EPN3: variants seen among roughly 807,000 people sequenced by gnomAD.
The protein encoded by EPN3 is epsin-3.
A neutral mutation model predicts 55.5 loss-of-function variants in EPN3; 56 were observed. The observed-to-expected ratio is 1.01, with a 90% CI of 0.81 to 1.26. EPN3 has a LOEUF of 1.26. Among genes scored for constraint, EPN3 ranks in the 50% most tolerant of loss-of-function variants. EPN3 has a pLI of 0.00. For missense variants in EPN3, 927 were observed against 853.4 expected, an observed-to-expected ratio of 1.09 and a Z score of -1.07; for synonymous variants, 449 against 375.2, an observed-to-expected ratio of 1.20 and a Z score of -2.27.
Position 50,541,081 on chromosome 17 carries a change from A to G in EPN3, c.1249+19A>G, listed in dbSNP as rs765231101. 4 of 1,569,554 alleles carry G rather than the reference A, an allele frequency of 2.5e-6. No homozygotes were observed. Among genetic ancestry groups the G allele is most frequent in the Non-Finnish European group, 2.6e-6 (3 of 1,159,740 alleles). On this transcript the variant is annotated intron_variant, in intron 7 of 9. Transcript: ENST00000268933. ...ACACCTGGTAAGAAGAGGGCCAGAG[A>G]GTGTGAGTGAGGAGCTGGGGGACTT...
intron 5 of EPN3, among the ~76,000 whole-genome samples, chr17:50,539,684 G>C (rs1267839983): frequency 6.6e-6 from 1 of 152,190 alleles, no homozygotes; most frequent in Non-Finnish European, 1.5e-5. Context: ...ATCAAGACTA[G>C]GGTTGGCCTA....
Position 50,542,300 on chromosome 17 carries a change from G to A in EPN3, c.*143G>A. ...TATCCCGCGGCGGCTCTGGAAGCTG[G>A]ACGCGGACCACGGCCCGGGAGCTAG... On this transcript the variant is annotated 3_prime_UTR_variant, in exon 10 of 10. Transcript: ENST00000268933. 1 of 857,482 alleles carries A rather than the reference G, an allele frequency of 1.2e-6. No individual in the cohort carries two copies. Among genetic ancestry groups the A allele is most frequent in the Non-Finnish European group, 1.6e-6 (1 of 615,556 alleles). The allele number at this position is 857,482 out of a possible 1,614,324, so 53.1% of individuals were successfully genotyped here.
At position 50,536,509 on chromosome 17, in the gene EPN3, C is replaced by G; in HGVS notation, c.-48C>G. 6.2e-7 allele frequency: 1 copy of G among 1,610,876 alleles called. No homozygotes were observed. Among genetic ancestry groups the G allele is most frequent in the East Asian group, 2.2e-5 (1 of 44,760 alleles). On this transcript the variant is annotated 5_prime_UTR_variant, in exon 2 of 10. Transcript: ENST00000268933. ...GACCTCGCCACAGTGGCCCTCAGCCCTCCACCTCCGGCGGGGGCGAGGGCC... is the reference window on the plus strand; with the variant it reads ...GACCTCGCCACAGTGGCCCTCAGCCGTCCACCTCCGGCGGGGGCGAGGGCC...
rs149664840 is a variant in EPN3, at chr17:50,535,967, G to C, written c.-136-454G>C. ...ATGCACTCTTAGGTGGGGCTTCCTGGGGTCATCTTGGTTCCCCATGCAGCA... is the reference window on the plus strand; with the variant it reads ...ATGCACTCTTAGGTGGGGCTTCCTGCGGTCATCTTGGTTCCCCATGCAGCA... On this transcript the variant is annotated intron_variant, in intron 1 of 9. Transcript: ENST00000268933. The C allele has an allele frequency of 3.1e-4, 47 of 153,712 alleles. 1 individual carries two copies. The East Asian group carries it at 8.5e-3, about 28-fold the overall frequency. The allele number at this position is 153,712 out of a possible 1,614,324, so 9.5% of individuals were successfully genotyped here.
chr17:50,541,854 T>A lies in EPN3; in HGVS notation c.1596T>A (p.Ala532=). Residue 532 remains alanine (A), a synonymous_variant, in exon 10 of 10, where the codon GCT becomes GCA. Transcript: ENST00000268933. Reference sequence around the variant, plus strand: ...ACTCTCGTTCTGCAGGTCTCAGCGCTCCGTCCCCCACCAACCCGTTCGGCG... The same window carrying A: ...ACTCTCGTTCTGCAGGTCTCAGCGCACCGTCCCCCACCAACCCGTTCGGCG... ...TRNPFLTGLS[A]PSPTNPFGAG... The A allele has an allele frequency of 1.2e-6, 2 of 1,609,956 alleles. No homozygotes were observed. Among genetic ancestry groups the A allele is most frequent in the Non-Finnish European group, 1.7e-6 (2 of 1,179,982 alleles).
intron 3 of EPN3, chr17:50,538,630 C>CCT: frequency 2.2e-6 from 1 of 449,940 alleles, no homozygotes; most frequent in Non-Finnish European, 4.0e-6. Flanking sequence ...AGCAGCTGGG[C>CCT]CTCACACAGG....
rs961042649 is a variant in EPN3 at position 50,532,936 on chromosome 17, C to T, written c.-186C>T. 4.7e-6 allele frequency: 6 copies of T among 1,286,008 alleles called. No individual in the cohort carries two copies. The African/African-American group carries it at 6.1e-5, about 13-fold the overall frequency. 79.7% of individuals were successfully genotyped at this position (1,286,008 alleles called of 1,614,324 possible). On this transcript the variant is annotated 5_prime_UTR_variant, in exon 1 of 10. Transcript: ENST00000268933. ...GCTGCTGCACAGGTCGGAGGGTCACCGCAGAGGCTACTCGGGCTGGGGCTG... is the reference window on the plus strand; with the variant it reads ...GCTGCTGCACAGGTCGGAGGGTCACTGCAGAGGCTACTCGGGCTGGGGCTG...
chr17:50,533,650 C>T (rs1056555726), intron 1 of EPN3, among the ~76,000 whole-genome samples: 4 of 152,118 alleles, frequency 2.6e-5, no homozygotes, highest in Non-Finnish European at 5.9e-5. Context: ...TCTCCAGATC[C>T]CCCCATCCTG....
At chr17:50,537,843 G>A (rs2034786935) in intron 2 of EPN3, 2 of 479,222 alleles carry the variant, frequency 4.2e-6, no homozygotes, top group Admixed American at 3.9e-5. Flanking sequence ...ACCTGGTCAG[G>A]GGCCCTAAGT....
intron 8 of EPN3, 31 bp downstream of exon 8, chr17:50,541,364 G>A: frequency 6.2e-7 from 1 of 1,608,628 alleles, no homozygotes. Context: ...GTGAGGCTCT[G>A]GGGAATGAGG....
rs368255745 is a variant in EPN3, at chr17:50,541,280, C to T, written c.1301C>T (p.Thr434Ile). The change falls in exon 8 of 10, where the codon ACC becomes ATC. Residue 434 changes from threonine to isoleucine, a missense_variant. Transcript: ENST00000268933. ...GCCAAACCTCCAGAATCCACAGAGA[C>T]CAAGGAGGGGCTGGAGCAGGCCCTG... The part of the protein sequence containing the change: ...PFAKPPESTE[T>I]KEGLEQALPS... 1.2e-4 allele frequency: 190 copies of T among 1,613,450 alleles called. No individual in the cohort carries two copies. Among genetic ancestry groups the T allele is most frequent in the Non-Finnish European group, 1.5e-4 (181 of 1,180,020 alleles).
At chr17:50,540,191 G>A in intron 5 of EPN3, 56 bp from the exon 6 acceptor site, 2 of 1,436,052 alleles carry the variant, frequency 1.4e-6, no homozygotes, top group Non-Finnish European at 1.9e-6. Flanking sequence ...GTCAGGGCCT[G>A]CCCTCCCTCC....
chr17:50,537,563 T>G, intron 2 of EPN3: 1 of 201,322 alleles, frequency 5.0e-6, no homozygotes, highest in Non-Finnish European at 1.0e-5. Flanking sequence ...ACACATGGCA[T>G]TCCCCTTCAT....
rs1295883139 is a variant in EPN3, at chr17:50,539,031, T to C, written c.762+67T>C. On this transcript the variant is annotated intron_variant, in intron 4 of 9. Transcript: ENST00000268933. The stretch of plus-strand genomic sequence containing the variant: ...TGCTGGTGGAGGTGCTTCAGGGCAC[T>C]AACAGCCTCCTCCCGCTGTACCCGG... 7 of 1,540,268 alleles carry C rather than the reference T, an allele frequency of 4.5e-6. No homozygotes were observed. The East Asian group carries it at 1.4e-4, about 30-fold the overall frequency.
intron 5 of EPN3, 23 bp downstream of exon 5, chr17:50,539,338 T>TGGGATGGACAGGGCCTAA: frequency 1.9e-6 from 3 of 1,613,192 alleles, no homozygotes; most frequent in Non-Finnish European, 2.5e-6. Context: ...CTGCGGTGCT[T>TGGGATGGACAGGGCCTAA]GGGATGGACA....
At chr17:50,541,129 A>C in intron 7 of EPN3, 67 bp downstream of exon 7, 1 of 1,588,760 alleles carries the variant, frequency 6.3e-7, no homozygotes, top group Admixed American at 1.7e-5. Context: ...AAGGGGCAGC[A>C]GATACTGTTT....
In EPN3 at chr17:50,536,798, T is replaced by C. The variant is rs2034769612; in HGVS notation, c.242T>C (p.Leu81Pro). ...CACGTGTACAAGGCTCTAACATTGC[T>C]GGACTACCTGCTCAAGACGGGCTCC... ...WRHVYKALTL[L>P]DYLLKTGSER... is the part of the protein sequence containing the mutation. Residue 81 changes from leucine (L) to proline (P), a missense_variant, in exon 2 of 10, where the codon CTG (leucine) becomes CCG (proline). Leu to Pro is a moderately conservative substitution (Grantham distance 98). Transcript: ENST00000268933. 2 of 1,614,150 alleles carry C rather than the reference T, an allele frequency of 1.2e-6. No homozygotes were observed. Among genetic ancestry groups the C allele is most frequent in the African/African-American group, 1.3e-5 (1 of 75,058 alleles).
rs1444879869 is a variant in EPN3, at chr17:50,536,421, C to T, written c.-136C>T. On this transcript the variant is annotated splice_region_variant and 5_prime_UTR_variant, in exon 2 of 10. Coordinates refer to ENST00000268933, the MANE Select transcript of EPN3 (RefSeq NM_017957.3). ...GAGTTCCTGGCCCTCTCTTCCTCAG[C>T]CCCATGTGGAACCCAAGGATGCAGC... The T allele has an allele frequency of 1.3e-6, 2 of 1,509,562 alleles. No individual in the cohort carries two copies. Among genetic ancestry groups the T allele is most frequent in the East Asian group, 2.3e-5 (1 of 43,056 alleles). The allele number at this position is 1,509,562 out of a possible 1,614,324, so 93.5% of individuals were successfully genotyped here.
At position 50,536,818 on chromosome 17, in the gene EPN3, G is replaced by T. The variant is rs763493413; in HGVS notation, c.262G>T (p.Gly88Cys). 6.2e-7 allele frequency: 1 copy of T among 1,614,130 alleles called. No homozygotes were observed. The highest frequency in any genetic ancestry group is 1.1e-5 in the South Asian group (1 of 91,086). The part of the protein sequence containing the change: ...LTLLDYLLKT[G>C]SERVAHQCRE... The stretch of plus-strand genomic sequence containing the variant: ...ATTGCTGGACTACCTGCTCAAGACG[G>T]GCTCCGAGCGGGTGGCCCACCAGTG... The change falls in exon 2 of 10, where the codon GGC (glycine) becomes TGC (cysteine). Residue 88 changes from glycine (G) to cysteine (C), a missense_variant. By Grantham distance (159) the Gly-to-Cys change is radical (BLOSUM62 -3). Coordinates refer to ENST00000268933, the MANE Select transcript of EPN3 (RefSeq NM_017957.3).
Sources: allele counts gnomAD v4.1 joint callset (sites outside exome capture counted in the v4.1 genomes callset), GRCh38; gene constraint gnomAD v4.1.1; transcripts MANE v1.5; gene names NCBI Gene and HGNC (gene_info 2026-07-23, HGNC 2026-07-21).